The following IL1RAPL1 variants were observed in gnomAD, a reference collection of about 807,000 sequenced individuals.
IL1RAPL1 encodes interleukin-1 receptor accessory protein-like 1.
In IL1RAPL1, 3 loss-of-function variants were observed where a neutral mutation model predicts 48.4. The ratio of observed to expected loss-of-function variants is 0.06; its 90% CI spans 0.03 to 0.16. IL1RAPL1 has a LOEUF of 0.16. Ranked by LOEUF, IL1RAPL1 falls within the 10% of genes least tolerant of loss-of-function variation. The pLI is 1.00. For missense variants in IL1RAPL1, 349 were observed against 530.6 expected (o/e 0.66, Z 3.36); for synonymous variants, 185 against 187.7 (o/e 0.99, Z 0.12).
At chrX:29,409,905 C>T (rs1231656653) in intron 5 of IL1RAPL1, among the ~76,000 whole-genome samples, 13 of 106,278 alleles carry the variant, frequency 1.2e-4, no homozygotes, top group Non-Finnish European at 2.3e-4. Context: ...TCACCACAAC[C>T]TCCGCCTCCC....
At chrX:29,613,960 T>C (rs1924188752) in intron 5 of IL1RAPL1, among the ~76,000 whole-genome samples, 1 of 108,865 alleles carries the variant, frequency 9.2e-6, no homozygotes, top group South Asian at 4.1e-4. Context: ...AGACAGGGTT[T>C]CACCATGTTA....
intron 1 of IL1RAPL1, among the ~76,000 whole-genome samples, chrX:28,647,465 C>G (rs754189580): frequency 8.9e-6 from 1 of 111,802 alleles, no homozygotes; most frequent in Non-Finnish European, 1.9e-5. Flanking sequence ...AACAGAAAAA[C>G]CTTTTGATCA....
chrX:29,341,204 A>G (rs1933069152), intron 3 of IL1RAPL1, among the ~76,000 whole-genome samples: 1 of 105,405 alleles, frequency 9.5e-6, no homozygotes, highest in Non-Finnish European at 2.0e-5. Context: ...CCATCTTAAC[A>G]CATGTTACCA....
At chrX:28,722,529 A>G (rs1486413049) in intron 1 of IL1RAPL1, among the ~76,000 whole-genome samples, 8 of 111,337 alleles carry the variant, frequency 7.2e-5, no homozygotes, top group South Asian at 3.8e-4. Context: ...CAATCATGTC[A>G]TCTGCAAACA....
chrX:29,297,983 C>G (rs1157395561), intron 3 of IL1RAPL1, among the ~76,000 whole-genome samples: 2 of 111,718 alleles, frequency 1.8e-5, no homozygotes, highest in Admixed American at 9.5e-5. Flanking sequence ...CTCTATAAGC[C>G]AATCCATTAA....
At chrX:28,794,965 A>G (rs763505003) in intron 2 of IL1RAPL1, among the ~76,000 whole-genome samples, 24 of 111,601 alleles carry the variant, frequency 2.2e-4, no homozygotes, top group South Asian at 1.1e-3. Flanking sequence ...CTGTAAGTCA[A>G]TGAGCTTAAT....
At chrX:29,476,448 C>T (rs2147742982) in intron 5 of IL1RAPL1, among the ~76,000 whole-genome samples, 1 of 111,660 alleles carries the variant, frequency 9.0e-6, no homozygotes, top group African/African-American at 3.3e-5. Context: ...TGCCATTTTA[C>T]ATTATTGTCG....
At chrX:28,599,266 A>T in intron 1 of IL1RAPL1, among the ~76,000 whole-genome samples, 1 of 108,851 alleles carries the variant, frequency 9.2e-6, no homozygotes, top group Middle Eastern at 4.7e-3. Flanking sequence ...AAAAAAAAAA[A>T]AAATTGAGGT....
intron 6 of IL1RAPL1, among the ~76,000 whole-genome samples, chrX:29,747,414 C>G (rs1928359489): frequency 8.9e-6 from 1 of 112,416 alleles, no homozygotes; most frequent in South Asian, 3.7e-4. Flanking sequence ...TACCATTATT[C>G]CATTGGCCTG....
Position 29,918,886 on chromosome X carries a change from TTAATAA to T in IL1RAPL1, c.912-1056_912-1051del, listed in dbSNP as rs778489778. Among the ~76,000 whole-genome samples, 182 of 112,180 alleles carry T rather than the reference TTAATAA, an allele frequency of 1.6e-3. 1 individual carries two copies. The highest frequency in any genetic ancestry group is 5.6e-3 in the African/African-American group (173 of 30,942). ...TTCATAATGTAAATATGCAAGAACG[TTAATAA>T]TAATAAGTAAGTTACAACCACATCA... is the stretch of plus-strand genomic sequence containing the variant. On this transcript the variant is annotated intron_variant, in intron 7 of 10. Coordinates refer to ENST00000378993, the MANE Select transcript of IL1RAPL1 (RefSeq NM_014271.4).
intron 2 of IL1RAPL1, among the ~76,000 whole-genome samples, chrX:28,930,367 A>G (rs1330311631): frequency 8.9e-6 from 1 of 111,816 alleles, no homozygotes; most frequent in African/African-American, 3.2e-5. Context: ...TTGAGTCTGA[A>G]GTAAAGTCTC....
chrX:29,147,370 A>G (rs1462389734), intron 2 of IL1RAPL1, among the ~76,000 whole-genome samples: 3 of 112,108 alleles, frequency 2.7e-5, no homozygotes, highest in Non-Finnish European at 5.6e-5. Flanking sequence ...ATCTGTAAAT[A>G]TAAAGGGAGG....
intron 6 of IL1RAPL1, among the ~76,000 whole-genome samples, chrX:29,878,870 C>A (rs780497865): frequency 3.6e-5 from 4 of 111,406 alleles, no homozygotes; most frequent in Non-Finnish European, 5.7e-5. Flanking sequence ...TATACACTTA[C>A]CATATGACCC....
chrX:29,700,718 C>T lies in IL1RAPL1; in HGVS notation c.778+32214C>T, dbSNP rs538381031. Among the ~76,000 whole-genome samples the T allele has an allele frequency of 5.4e-5, 6 of 111,387 alleles. No homozygotes were observed. In the South Asian group the frequency reaches 2.2e-3, roughly 42 times the overall value. Reference sequence around the variant, plus strand: ...TATTTGTAAAGAAAGAATATGTTGACAACTTTCTTTTTGGTGACACGTCAG... The same window carrying T: ...TATTTGTAAAGAAAGAATATGTTGATAACTTTCTTTTTGGTGACACGTCAG... On this transcript the variant is annotated intron_variant, in intron 6 of 10. Transcript: ENST00000378993.
intron 3 of IL1RAPL1, 126 bp from the exon 4 acceptor site, chrX:29,396,132 A>G: frequency 5.6e-6 from 3 of 534,643 alleles, no homozygotes. Context: ...GAATAAGTCA[A>G]GATACCATAA....
intron 5 of IL1RAPL1, among the ~76,000 whole-genome samples, chrX:29,646,886 T>C (rs1446348188): frequency 1.8e-5 from 2 of 111,331 alleles, no homozygotes; most frequent in African/African-American, 3.3e-5. Flanking sequence ...GAAGGAGAGA[T>C]AAAGACTTCC....
intron 2 of IL1RAPL1, among the ~76,000 whole-genome samples, chrX:29,054,164 C>G (rs1927160830): frequency 9.0e-6 from 1 of 111,064 alleles, no homozygotes; most frequent in Non-Finnish European, 1.9e-5. Flanking sequence ...CCCCCTTTAC[C>G]TGACTGAGAG....
At chrX:28,848,941 G>C (rs1921584425) in intron 2 of IL1RAPL1, among the ~76,000 whole-genome samples, 1 of 111,617 alleles carries the variant, frequency 9.0e-6, no homozygotes, top group South Asian at 3.7e-4. Context: ...TTCAGAGCTA[G>C]GTGTTATATG....
intron 6 of IL1RAPL1, among the ~76,000 whole-genome samples, chrX:29,911,533 G>A (rs1932756295): frequency 8.9e-6 from 1 of 112,025 alleles, no homozygotes; most frequent in African/African-American, 3.2e-5. Context: ...ATAGACAGTA[G>A]CATCTGGTAA....
Sources: gnomAD v4.1 joint callset for allele counts (sites outside exome capture counted in the v4.1 genomes callset) on GRCh38, gnomAD v4.1.1 for gene constraint, MANE v1.5 for transcripts, NCBI Gene and HGNC (gene_info 2026-07-23, HGNC 2026-07-21) for gene names.